Variants in EFEMP1 observed in about 807,000 individuals in gnomAD.
EFEMP1 encodes the protein EGF-like fibulin extracellular matrix protein 1.
EFEMP1 carries 18 observed loss-of-function variants against 65.7 expected under a neutral mutation model. The observed-to-expected ratio is 0.27, with a 90% CI of 0.19 to 0.41. The LOEUF is 0.41. EFEMP1 is among the 10% of genes least tolerant of loss of function. The probability of loss-of-function intolerance (pLI) is 1.00; values close to 1 mark genes in which losing one functional copy is unlikely to be tolerated. For synonymous variants in EFEMP1, 237 were observed against 219.7 expected, an observed-to-expected ratio of 1.08 and a Z score of -0.70; for missense variants, 469 against 624.8, an observed-to-expected ratio of 0.75 and a Z score of 2.66.
chr2:55,884,801 A>G (rs115866506), intron 5 of EFEMP1, among the ~76,000 whole-genome samples: 2,977 of 152,222 alleles, frequency 0.02, 57 homozygotes, highest in South Asian at 0.08. Flanking sequence ...TCAGTTAATA[A>G]ATTTCCTGGG....
intron 5 of EFEMP1, among the ~76,000 whole-genome samples, chr2:55,912,863 A>T (rs1328905919): frequency 1.3e-5 from 2 of 152,124 alleles, no homozygotes; most frequent in Non-Finnish European, 2.9e-5. Context: ...CTAGGTGGGA[A>T]TGTGAAAAGA....
At position 55,923,204 on chromosome 2, in the gene EFEMP1, C is replaced by T. The variant is rs1670969540; in HGVS notation, c.-48-265G>A. On this transcript the variant is annotated intron_variant, in intron 1 of 11. Transcript: ENST00000355426. The surrounding 1 kb of genome is among the most constrained non-coding windows in gnomAD (Gnocchi z 5.3). Reference sequence around the variant, plus strand: ...CTCTTTTGTCTTATCAGTCTGGGTCCCCGACACGCTACCTTCGGTTTCAGG... The same window carrying T: ...CTCTTTTGTCTTATCAGTCTGGGTCTCCGACACGCTACCTTCGGTTTCAGG... Among the ~76,000 whole-genome samples, 1 of 152,160 alleles carries T rather than the reference C, an allele frequency of 6.6e-6. No individual in the cohort carries two copies. Among genetic ancestry groups the T allele is most frequent in the South Asian group, 2.1e-4 (1 of 4,830 alleles).
intron 5 of EFEMP1, among the ~76,000 whole-genome samples, chr2:55,888,958 C>A (rs1669532013): frequency 6.6e-6 from 1 of 152,154 alleles, no homozygotes; most frequent in African/African-American, 2.4e-5. Context: ...CCTCTATCTC[C>A]CACTTCCCCG....
At chr2:55,916,107 ATTTT>A (rs576215544) in intron 5 of EFEMP1, among the ~76,000 whole-genome samples, 3 of 129,442 alleles carry the variant, frequency 2.3e-5, no homozygotes, top group African/African-American at 2.9e-5. Context: ...AGTTTCCTTC[ATTTT>A]TTTTTTTTTT....
rs1277380696 is a variant in EFEMP1, at chr2:55,866,112, C to A, written c.*961G>T. 2 of 152,112 alleles carry A rather than the reference C, an allele frequency of 1.3e-5. No individual in the cohort carries two copies. The highest frequency in any genetic ancestry group is 6.6e-5 in the Admixed American group (1 of 15,262). The allele number at this position is 152,112 out of a possible 1,614,324, so 9.4% of individuals were successfully genotyped here. Reference sequence around the variant, plus strand: ...CTTAAGTTCACTGTCACTCTGGATGCCAGGAATAAAAACCATCATCATTTT... The same window carrying A: ...CTTAAGTTCACTGTCACTCTGGATGACAGGAATAAAAACCATCATCATTTT... On this transcript the variant is annotated 3_prime_UTR_variant, in exon 12 of 12. Transcript: ENST00000355426.
At position 55,919,142 on chromosome 2, in the gene EFEMP1, G is replaced by T. The variant is rs150806865; in HGVS notation, c.82-875C>A. Among the ~76,000 whole-genome samples the T allele has an allele frequency of 3.6e-4, 55 of 152,332 alleles. 1 individual carries two copies. Among genetic ancestry groups the T allele is most frequent in the Middle Eastern group, 3.4e-3 (1 of 294 alleles). On this transcript the variant is annotated intron_variant, in intron 3 of 11. Transcript: ENST00000355426. This position sits in a 1 kb window ranked among gnomAD's most constrained non-coding sequence, Gnocchi z 4.5. ...GGTGAATGTGGGAATTCTAGGAAGA[G>T]AGGCTATTGTGACAAAGGCATAAAA... is the stretch of plus-strand genomic sequence containing the variant.
At chr2:55,904,014 C>T (rs998554441) in intron 5 of EFEMP1, among the ~76,000 whole-genome samples, 5 of 152,076 alleles carry the variant, frequency 3.3e-5, no homozygotes, top group African/African-American at 7.2e-5. Flanking sequence ...TAAGAAGCAG[C>T]GCCTGGAAGA....
chr2:55,874,063 C>G (rs573326375), intron 9 of EFEMP1, among the ~76,000 whole-genome samples: 7 of 152,152 alleles, frequency 4.6e-5, no homozygotes, highest in African/African-American at 1.7e-4. Flanking sequence ...CCCACAACTC[C>G]CTTTTCCAAA....
chr2:55,910,494 A>G (rs564080670), intron 5 of EFEMP1, among the ~76,000 whole-genome samples: 1 of 152,236 alleles, frequency 6.6e-6, no homozygotes, highest in Non-Finnish European at 1.5e-5. Flanking sequence ...CAGCAATTCA[A>G]CACGTGCAAA....
At chr2:55,878,346 A>G (rs1360810314) in intron 6 of EFEMP1, among the ~76,000 whole-genome samples, 1 of 152,280 alleles carries the variant, frequency 6.6e-6, no homozygotes, top group South Asian at 2.1e-4. Flanking sequence ...TGCCATGTGT[A>G]TCTTAGGACG....
chr2:55,904,993 T>A (rs1270294129), intron 5 of EFEMP1, among the ~76,000 whole-genome samples: 1 of 121,494 alleles, frequency 8.2e-6, no homozygotes, highest in East Asian at 3.2e-4. Context: ...TTCTTTTTTT[T>A]TTTTTTTTGC....
intron 6 of EFEMP1, among the ~76,000 whole-genome samples, chr2:55,878,967 C>T (rs941169485): frequency 5.9e-5 from 9 of 152,172 alleles, no homozygotes; most frequent in Admixed American, 5.2e-4. Context: ...AGAAGATATT[C>T]ACATGGCTTT....
At chr2:55,909,443 A>C (rs1252756104) in intron 5 of EFEMP1, among the ~76,000 whole-genome samples, 2 of 152,128 alleles carry the variant, frequency 1.3e-5, no homozygotes, top group Admixed American at 6.6e-5. Context: ...CTAGCATTCC[A>C]ATCAGAAACA....
intron 5 of EFEMP1, among the ~76,000 whole-genome samples, chr2:55,890,032 C>A (rs569023205): frequency 6.6e-6 from 1 of 151,896 alleles, no homozygotes; most frequent in East Asian, 1.9e-4. Context: ...TCACTAAAAA[C>A]CAAAAATTGT....
At chr2:55,889,521 T>A (rs1572811379) in intron 5 of EFEMP1, among the ~76,000 whole-genome samples, 1 of 152,310 alleles carries the variant, frequency 6.6e-6, no homozygotes, top group East Asian at 1.9e-4. Context: ...TAAATTCTTT[T>A]TTCTGTTCTC....
In EFEMP1 at chr2:55,870,787, A is replaced by G. The variant is rs547851604; in HGVS notation, c.1253T>C (p.Ile418Thr). The change falls in exon 11 of 12, where the codon ATT becomes ACT. Residue 418 changes from isoleucine (I) to threonine (T), a missense_variant. This residue lies in a region of EFEMP1 where 399 missense variants were observed against 528.2 expected (regional missense o/e 0.76). Transcript: ENST00000355426. This position sits in a 1 kb window ranked among gnomAD's most constrained non-coding sequence, Gnocchi z 5.8. ...AAAAGTATTGATGGTGTTGGCATAA[A>G]TAGTTGTGGCCTGTATCTGGAAGAT... The part of the protein sequence containing the change: ...SDIFQIQATT[I>T]YANTINTFRI... 6.2e-7 allele frequency: 1 copy of G among 1,613,834 alleles called. No individual in the cohort carries two copies. Among genetic ancestry groups the G allele is most frequent in the Admixed American group, 1.7e-5 (1 of 59,954 alleles).
chr2:55,909,816 T>C (rs1297267774), intron 5 of EFEMP1, among the ~76,000 whole-genome samples: 1 of 152,194 alleles, frequency 6.6e-6, no homozygotes, highest in East Asian at 1.9e-4. Flanking sequence ...TGAACTGTTG[T>C]TTGTTTCTTT....
chr2:55,879,410 G>T (rs1209103703), intron 6 of EFEMP1, among the ~76,000 whole-genome samples: 1 of 152,134 alleles, frequency 6.6e-6, no homozygotes, highest in Non-Finnish European at 1.5e-5. Context: ...CTCCACGAGG[G>T]CTATGAATTT....
intron 5 of EFEMP1, among the ~76,000 whole-genome samples, chr2:55,905,880 T>C (rs1227591892): frequency 6.6e-6 from 1 of 152,228 alleles, no homozygotes; most frequent in African/African-American, 2.4e-5. Context: ...TTTGGTGTAT[T>C]AACCTTCTGT....
Sources: allele counts gnomAD v4.1 joint callset (sites outside exome capture counted in the v4.1 genomes callset), GRCh38; gene constraint gnomAD v4.1.1; regional missense constraint gnomAD v4.1.1; non-coding constraint Gnocchi (gnomAD v3.1); transcripts MANE v1.5; gene names NCBI Gene and HGNC (gene_info 2026-07-23, HGNC 2026-07-21).